Variants in ASB3 observed in about 807,000 individuals in gnomAD.
ASB3 encodes the protein ankyrin repeat and SOCS box containing 3.
A neutral mutation model predicts 54.5 loss-of-function variants in ASB3; 41 were observed. The observed-to-expected ratio is 0.75, with a 90% CI of 0.59 to 0.98. The LOEUF (loss-of-function observed/expected upper bound fraction) is 0.98. Ranked by LOEUF, ASB3 falls within the 50% of genes least tolerant of loss-of-function variation. The probability of loss-of-function intolerance (pLI) is 0.00; values close to 1 mark genes in which losing one functional copy is unlikely to be tolerated. For missense variants in ASB3, 733 were observed against 620.0 expected (o/e 1.18, Z -1.94); for synonymous variants, 266 against 221.2 (o/e 1.20, Z -1.80).
intron 1 of ASB3, chr2:53,775,112 T>A (rs1674239438): frequency 6.6e-6 from 1 of 152,600 alleles, no homozygotes. Context: ...GTACTGTACC[T>A]CTTCTTTTTT....
At chr2:53,697,513 G>A (rs1442032207) in intron 8 of ASB3, among the ~76,000 whole-genome samples, 1 of 152,016 alleles carries the variant, frequency 6.6e-6, no homozygotes. Flanking sequence ...TCTAGATTGG[G>A]ACCCCTTTCC....
At chr2:53,712,328 C>T (rs1670145513) in intron 7 of ASB3, among the ~76,000 whole-genome samples, 1 of 152,100 alleles carries the variant, frequency 6.6e-6, no homozygotes, top group South Asian at 2.1e-4. Context: ...CCTAAAGGAT[C>T]GTGTGTATGT....
intron 9 of ASB3, among the ~76,000 whole-genome samples, chr2:53,692,631 T>C (rs76316306): frequency 0.15 from 22,438 of 152,154 alleles, 1,837 homozygotes; most frequent in African/African-American, 0.16. Flanking sequence ...CTGGACAAAC[T>C]TGCCATATGT....
intron 1 of ASB3, chr2:53,774,085 C>T (rs1674150818): frequency 6.8e-7 from 1 of 1,481,422 alleles, no homozygotes; most frequent in Non-Finnish European, 9.1e-7. Flanking sequence ...CACAACCTTT[C>T]TTCACCTATT....
At chr2:53,718,065 T>C (rs752991878) in intron 5 of ASB3, among the ~76,000 whole-genome samples, 9 of 152,194 alleles carry the variant, frequency 5.9e-5, no homozygotes, top group East Asian at 1.9e-4. Context: ...CTATGAATTA[T>C]TGGTATTCCT....
chr2:53,774,027 T>C, intron 1 of ASB3: 1 of 1,179,670 alleles, frequency 8.5e-7, no homozygotes, highest in Non-Finnish European at 1.2e-6. Flanking sequence ...AGACAAGACT[T>C]CATCTCAAAA....
chr2:53,778,336 T>C (rs1674461750), intron 1 of ASB3, among the ~76,000 whole-genome samples: 1 of 151,930 alleles, frequency 6.6e-6, no homozygotes, highest in South Asian at 2.1e-4. Flanking sequence ...ATTTATGAGG[T>C]ACAAAGTGAT....
chr2:53,740,781 T>G (rs2103963047), intron 3 of ASB3, among the ~76,000 whole-genome samples: 1 of 152,298 alleles, frequency 6.6e-6, no homozygotes, highest in Admixed American at 6.5e-5. Context: ...GGGAGAAGTC[T>G]AATGGCCAAT....
chr2:53,679,205 G>A (rs1350959240), intron 9 of ASB3, among the ~76,000 whole-genome samples: 1 of 152,126 alleles, frequency 6.6e-6, no homozygotes, highest in Non-Finnish European at 1.5e-5. Flanking sequence ...AGAAAACTAA[G>A]CAATGCTGGA....
chr2:53,756,437 T>G (rs531291486), intron 2 of ASB3, among the ~76,000 whole-genome samples: 1 of 152,326 alleles, frequency 6.6e-6, no homozygotes, highest in South Asian at 2.1e-4. Flanking sequence ...TAACTTGGCA[T>G]GGTGATGGTT....
At chr2:53,756,873 C>T (rs188728135) in intron 2 of ASB3, 1 of 153,016 alleles carries the variant, frequency 6.5e-6, no homozygotes, top group East Asian at 1.9e-4. Context: ...TTGCCACTCC[C>T]AGTCGGGCTA....
intron 1 of ASB3, among the ~76,000 whole-genome samples, chr2:53,781,646 C>G (rs1674656511): frequency 6.6e-6 from 1 of 152,154 alleles, no homozygotes; most frequent in Non-Finnish European, 1.5e-5. Flanking sequence ...CAGGCATGAG[C>G]CACCACGCCT....
chr2:53,749,856 T>C (rs1166328452), intron 3 of ASB3, among the ~76,000 whole-genome samples: 4 of 152,064 alleles, frequency 2.6e-5, no homozygotes, highest in South Asian at 4.1e-4. Context: ...ATCTTGATTG[T>C]TGTCATTACA....
At position 53,710,330 on chromosome 2, in the gene ASB3, T is replaced by C. The variant is rs76283938; in HGVS notation, c.980+4054A>G. Among the ~76,000 whole-genome samples, 16 of 152,394 alleles carry C rather than the reference T, an allele frequency of 1.0e-4. No individual in the cohort carries two copies. The East Asian group carries it at 3.1e-3, about 29-fold the overall frequency. ...ATGTAGTAAATTTTTCATTGCAGATTATTGTATTTTTCCGTCTTTTTTATA... is the reference window on the plus strand; with the variant it reads ...ATGTAGTAAATTTTTCATTGCAGATCATTGTATTTTTCCGTCTTTTTTATA... On this transcript the variant is annotated intron_variant, in intron 7 of 9. Transcript: ENST00000263634.
Position 53,670,468 on chromosome 2 carries a change from G to T in ASB3, c.*35C>A. The stretch of plus-strand genomic sequence containing the variant: ...TCTTTTGTCTCGATGATTTTTCAGA[G>T]AAAAAAATTAGCTGTGTTAAGTAGT... On this transcript the variant is annotated 3_prime_UTR_variant, in exon 10 of 10. Transcript: ENST00000263634. 2 of 1,591,830 alleles carry T rather than the reference G, an allele frequency of 1.3e-6. No homozygotes were observed. The highest frequency in any genetic ancestry group is 2.3e-5 in the South Asian group (2 of 86,452).
chr2:53,767,256 T>C (rs983963253), intron 1 of ASB3: 5 of 152,240 alleles, frequency 3.3e-5, no homozygotes, highest in African/African-American at 9.6e-5. Context: ...ACAATTCCCA[T>C]TGAAATGACA....
At chr2:53,700,637 T>G in intron 7 of ASB3, 109 bp from the exon 8 acceptor site, 1 of 1,406,774 alleles carries the variant, frequency 7.1e-7, no homozygotes, top group Non-Finnish European at 9.4e-7. Context: ...TATGGCAGAT[T>G]AAATAGTGGA....
intron 3 of ASB3, among the ~76,000 whole-genome samples, chr2:53,749,904 T>A (rs1020542164): frequency 6.6e-6 from 1 of 152,054 alleles, no homozygotes; most frequent in Non-Finnish European, 1.5e-5. Flanking sequence ...AGAACTGTTA[T>A]ATTAAAAAGA....
chr2:53,690,962 T>C (rs918828922), intron 9 of ASB3, among the ~76,000 whole-genome samples: 3 of 152,180 alleles, frequency 2.0e-5, no homozygotes, highest in Admixed American at 2.0e-4. Flanking sequence ...TGCTTTTATC[T>C]ATAAGAATTT....
Sources: allele counts gnomAD v4.1 joint callset (sites outside exome capture counted in the v4.1 genomes callset), GRCh38; gene constraint gnomAD v4.1.1; transcripts MANE v1.5; gene names NCBI Gene and HGNC (gene_info 2026-07-23, HGNC 2026-07-21).